The following PDE3B variants were observed in gnomAD, a reference collection of about 807,000 sequenced individuals.
PDE3B encodes the protein phosphodiesterase 3B.
Under a neutral mutation model 116.8 loss-of-function variants are expected in PDE3B, and 66 were observed. The ratio of observed to expected loss-of-function variants is 0.56; its 90% CI spans 0.46 to 0.69. The LOEUF (loss-of-function observed/expected upper bound fraction) is 0.69. Ranked by LOEUF, PDE3B falls within the 30% of genes least tolerant of loss-of-function variation. The pLI, the probability that PDE3B is intolerant of heterozygous loss-of-function variation, is 0.00. For synonymous variants in PDE3B, 595 were observed against 533.6 expected, an observed-to-expected ratio of 1.12 and a Z score of -1.59; for missense variants, 1,384 against 1,368.1, an observed-to-expected ratio of 1.01 and a Z score of -0.18.
At chr11:14,840,175 A>G (rs148182472) in intron 11 of PDE3B, among the ~76,000 whole-genome samples, 1 of 152,356 alleles carries the variant, frequency 6.6e-6, no homozygotes, top group East Asian at 1.9e-4. Context: ...TTTTGCAGAT[A>G]GAGATCCCCT....
At position 14,653,027 on chromosome 11, in the gene PDE3B, T is replaced by C. The variant is rs369136025; in HGVS notation, c.978+7974T>C. 4.5e-3 allele frequency among the ~76,000 whole-genome samples: 689 copies of C among 152,370 alleles called. 9 individuals are homozygous for C. The highest frequency in any genetic ancestry group is 0.016 in the African/African-American group (672 of 41,588). On this transcript the variant is annotated intron_variant, in intron 1 of 15. Coordinates refer to ENST00000282096, the MANE Select transcript of PDE3B (RefSeq NM_000922.4). ...AGTTTATTCCTGAGCATTTTATTCT[T>C]TTCAATGCTGTTGCAGATAGAACTG...
At chr11:14,844,237 G>A (rs1565161302) in intron 12 of PDE3B, among the ~76,000 whole-genome samples, 1 of 152,158 alleles carries the variant, frequency 6.6e-6, no homozygotes, top group African/African-American at 2.4e-5. Context: ...GAAAATAATA[G>A]ACAGTTTTTG....
chr11:14,761,651 G>A (rs949600441), intron 1 of PDE3B, among the ~76,000 whole-genome samples: 21 of 152,072 alleles, frequency 1.4e-4, no homozygotes, highest in African/African-American at 3.6e-4. Context: ...TGATCCCTGG[G>A]GAATCTGATT....
the PDE3B span, among the ~76,000 whole-genome samples, chr11:14,882,038 G>C: frequency 6.6e-6 from 1 of 152,102 alleles, no homozygotes; most frequent in Non-Finnish European, 1.5e-5. Flanking sequence ...AAAAGTTACT[G>C]TAAGGGGGTC....
At chr11:14,787,316 G>C (rs1858238045) in intron 3 of PDE3B, among the ~76,000 whole-genome samples, 1 of 151,714 alleles carries the variant, frequency 6.6e-6, no homozygotes, top group African/African-American at 2.4e-5. Flanking sequence ...TGTTTTATTT[G>C]ACTATTATCA....
Position 14,644,621 on chromosome 11 carries a change from G to A in PDE3B, c.546G>A (p.Gly182=), listed in dbSNP as rs1254216150. 6 of 1,528,490 alleles carry A rather than the reference G, an allele frequency of 3.9e-6. No individual in the cohort carries two copies. The allele number at this position is 1,528,490 out of a possible 1,614,324, so 94.7% of individuals were successfully genotyped here. A position where few individuals can be genotyped will look rare whatever the true frequency, so the allele number is the denominator to read the frequency against. Residue 182 remains glycine, a synonymous_variant, in exon 1 of 16, where the codon GGG becomes GGA. Transcript: ENST00000282096. ...GGCCTTGGGGGGATGGCGACGCAGGGTCCGCGGCCCCGCACACGCCCCCGG... is the reference window on the plus strand; with the variant it reads ...GGCCTTGGGGGGATGGCGACGCAGGATCCGCGGCCCCGCACACGCCCCCGG... ...WSWPWGDGDA[G]SAAPHTPPEA...
rs977958713 is a variant in PDE3B, at chr11:14,656,577, G to A, written c.978+11524G>A. On this transcript the variant is annotated intron_variant, in intron 1 of 15. Coordinates refer to ENST00000282096, the MANE Select transcript of PDE3B (RefSeq NM_000922.4). ...TTAAATGTCATCTCTACCACTTACA[G>A]AATGTTGGACAAGTTGTTTAACTTC... Among the ~76,000 whole-genome samples, 3 of 152,144 alleles carry A rather than the reference G, an allele frequency of 2.0e-5. No homozygotes were observed. In the East Asian group the frequency reaches 5.8e-4, roughly 29 times the overall value.
At chr11:14,838,179 C>A (rs1428751945) in intron 11 of PDE3B, among the ~76,000 whole-genome samples, 2 of 151,964 alleles carry the variant, frequency 1.3e-5, no homozygotes, top group South Asian at 4.2e-4. Context: ...CGGGTTTTCA[C>A]CGTGTTAGCC....
chr11:14,677,623 T>G (rs1854570021), intron 1 of PDE3B, among the ~76,000 whole-genome samples: 2 of 152,210 alleles, frequency 1.3e-5, no homozygotes, highest in Admixed American at 6.5e-5. Flanking sequence ...GTATATCCAC[T>G]ACAACATTCA....
At chr11:14,802,049 G>C (rs914528841) in intron 4 of PDE3B, among the ~76,000 whole-genome samples, 1 of 152,246 alleles carries the variant, frequency 6.6e-6, no homozygotes, top group Non-Finnish European at 1.5e-5. Flanking sequence ...TCAAGCCAGT[G>C]GATCTTAGTT....
chr11:14,843,794 T>A (rs779216110), intron 11 of PDE3B, 33 bp from the exon 12 acceptor site: 7 of 1,542,494 alleles, frequency 4.5e-6, no homozygotes, highest in Non-Finnish European at 5.4e-6. Flanking sequence ...TATGTGCTAA[T>A]GCTGGTTTAT....
At chr11:14,829,631 G>A (rs1359142803) in intron 7 of PDE3B, among the ~76,000 whole-genome samples, 2 of 152,080 alleles carry the variant, frequency 1.3e-5, no homozygotes, top group Non-Finnish European at 2.9e-5. Context: ...ATAAGTGGGA[G>A]ATGAATGACG....
chr11:14,721,913 C>T (rs932028002), intron 1 of PDE3B, among the ~76,000 whole-genome samples: 7 of 123,980 alleles, frequency 5.6e-5, no homozygotes, highest in African/African-American at 2.2e-4. Context: ...TACCCTAAAA[C>T]TTAAAGTATA....
chr11:14,665,386 C>G (rs1434466042), intron 1 of PDE3B, among the ~76,000 whole-genome samples: 1 of 152,188 alleles, frequency 6.6e-6, no homozygotes, highest in Admixed American at 6.5e-5. Context: ...CTCACCACTC[C>G]TATTCCACAT....
intron 1 of PDE3B, among the ~76,000 whole-genome samples, chr11:14,675,346 T>C (rs1160382819): frequency 6.6e-6 from 1 of 152,136 alleles, no homozygotes; most frequent in Admixed American, 6.5e-5. Context: ...TTCTTTCTTA[T>C]CAATATTGTT....
At chr11:14,781,018 T>A (rs568553060) in intron 2 of PDE3B, among the ~76,000 whole-genome samples, 3 of 152,202 alleles carry the variant, frequency 2.0e-5, no homozygotes, top group South Asian at 4.2e-4. Context: ...AACTACCATC[T>A]GAGAATACTG....
intron 14 of PDE3B, among the ~76,000 whole-genome samples, chr11:14,864,135 A>G (rs1848000457): frequency 6.6e-6 from 1 of 152,212 alleles, no homozygotes. Context: ...GAAAGCGAAA[A>G]AAAAGCAGGG....
intron 5 of PDE3B, among the ~76,000 whole-genome samples, chr11:14,817,906 T>C (rs867032199): frequency 6.6e-6 from 1 of 152,298 alleles, no homozygotes; most frequent in Middle Eastern, 3.4e-3. Context: ...ACAGTATGTA[T>C]GTTTTAGTCA....
At chr11:14,742,592 A>C (rs1031913275) in intron 1 of PDE3B, among the ~76,000 whole-genome samples, 2 of 152,142 alleles carry the variant, frequency 1.3e-5, no homozygotes, top group Non-Finnish European at 2.9e-5. Context: ...TCTGTCTGTC[A>C]AACTCATTCT....
Sources: gnomAD v4.1 joint callset for allele counts (sites outside exome capture counted in the v4.1 genomes callset) on GRCh38, gnomAD v4.1.1 for gene constraint, MANE v1.5 for transcripts, NCBI Gene and HGNC (gene_info 2026-07-23, HGNC 2026-07-21) for gene names.